SLAIN1: variants seen among roughly 807,000 people sequenced by gnomAD.
The protein encoded by SLAIN1 is SLAIN family member 1.
A neutral mutation model predicts 55.4 loss-of-function variants in SLAIN1; 17 were observed. The ratio of observed to expected loss-of-function variants is 0.31; its 90% confidence interval spans 0.21 to 0.46. SLAIN1 has a LOEUF of 0.46. SLAIN1 is among the 20% of genes least tolerant of loss of function. The pLI is 1.00. For synonymous variants in SLAIN1, 348 were observed against 337.4 expected, an observed-to-expected ratio of 1.03 and a Z score of -0.35; for missense variants, 682 against 785.1, an observed-to-expected ratio of 0.87 and a Z score of 1.57.
At chr13:77,730,854 G>A (rs1225445472) in intron 2 of SLAIN1, among the ~76,000 whole-genome samples, 1 of 152,084 alleles carries the variant, frequency 6.6e-6, no homozygotes, top group Non-Finnish European at 1.5e-5. Context: ...ATCAGTAAAA[G>A]GATACCTGCT....
At chr13:77,731,435 T>C (rs759618487) in intron 2 of SLAIN1, among the ~76,000 whole-genome samples, 5 of 152,196 alleles carry the variant, frequency 3.3e-5, no homozygotes, top group South Asian at 2.1e-4. Flanking sequence ...GGATTTTATC[T>C]TAAAATGGTT....
chr13:77,757,824 C>T (rs1263872080), intron 5 of SLAIN1, among the ~76,000 whole-genome samples: 1 of 151,980 alleles, frequency 6.6e-6, no homozygotes, highest in Admixed American at 6.6e-5. Flanking sequence ...CTTTATCCAC[C>T]CGTTGGTTGA....
intron 5 of SLAIN1, among the ~76,000 whole-genome samples, chr13:77,755,409 A>G (rs896442574): frequency 3.9e-5 from 6 of 152,170 alleles, no homozygotes; most frequent in Non-Finnish European, 1.5e-5. Context: ...ACAATTAGGA[A>G]TTTTTGTTGA....
In SLAIN1 at chr13:77,764,168, T is replaced by C. The variant is rs1875283149; in HGVS notation, c.*948T>C. On this transcript the variant is annotated 3_prime_UTR_variant, in exon 7 of 7. Coordinates refer to ENST00000418532, the MANE Select transcript of SLAIN1 (RefSeq NM_001242868.2). ...TGCTTTCTTATGGCATATAACTTAA[T>C]ATTTGTTACTGTGTACACTGCTGTT... The C allele has an allele frequency of 6.6e-6, 1 of 152,664 alleles. No homozygotes were observed. Among genetic ancestry groups the C allele is most frequent in the Non-Finnish European group, 1.5e-5 (1 of 68,028 alleles). 9.5% of individuals were successfully genotyped at this position (152,664 alleles called of 1,614,324 possible). A position where few individuals can be genotyped will look rare whatever the true frequency, so the allele number is the denominator to read the frequency against.
rs1043303939 is a variant in SLAIN1, at chr13:77,741,130, C to T, written c.767-3153C>T. The stretch of plus-strand genomic sequence containing the variant: ...TGCTTACTTGTGATGTGCTGCCGCC[C>T]GCATCTGTGGGTGAGAACACGCAGT... On this transcript the variant is annotated intron_variant, in intron 2 of 6. Coordinates refer to ENST00000418532, the MANE Select transcript of SLAIN1 (RefSeq NM_001242868.2). The T allele has an allele frequency of 3.0e-5, 30 of 985,050 alleles. No homozygotes were observed. In the Middle Eastern group the frequency reaches 1.6e-3, roughly 51 times the overall value. The allele number at this position is 985,050 out of a possible 1,614,324, so 61.0% of individuals were successfully genotyped here.
intron 2 of SLAIN1, among the ~76,000 whole-genome samples, chr13:77,725,081 C>G (rs1047383670): frequency 6.6e-6 from 1 of 152,030 alleles, no homozygotes; most frequent in African/African-American, 2.4e-5. Flanking sequence ...TTTTTTTGAG[C>G]CCAATGTAAC....
At chr13:77,707,388 C>A (rs892434092) in intron 1 of SLAIN1, among the ~76,000 whole-genome samples, 3 of 151,810 alleles carry the variant, frequency 2.0e-5, no homozygotes, top group Admixed American at 6.6e-5. Flanking sequence ...GTAACATTTT[C>A]TTTTAGATGA....
At position 77,746,609 on chromosome 13, in the gene SLAIN1, C is replaced by A. The variant is rs1873831330; in HGVS notation, c.1012C>A (p.Gln338Lys). 6.2e-7 allele frequency: 1 copy of A among 1,613,620 alleles called. No homozygotes were observed. The highest frequency in any genetic ancestry group is 8.5e-7 in the Non-Finnish European group (1 of 1,179,748). The change falls in exon 4 of 7, where the codon CAA (glutamine) becomes AAA (lysine). Residue 338 changes from glutamine to lysine, a missense_variant. This residue lies in a region of SLAIN1 where 37 missense variants were observed against 72.6 expected (regional missense o/e 0.51). Transcript: ENST00000418532. ...SSGKKGTCSD[Q>K]EYDQYSLEDE... Reference sequence around the variant, plus strand: ...AGGAAAAAAAGGGACATGTAGTGATCAAGAATATGACCAATACAGTCTGGA... The same window carrying A: ...AGGAAAAAAAGGGACATGTAGTGATAAAGAATATGACCAATACAGTCTGGA...
At chr13:77,713,435 G>A (rs1169719933) in intron 1 of SLAIN1, among the ~76,000 whole-genome samples, 1 of 152,130 alleles carries the variant, frequency 6.6e-6, no homozygotes, top group South Asian at 2.1e-4. Context: ...CATCATCACT[G>A]GTCATTAGAG....
chr13:77,713,651 C>T (rs1177951630), intron 1 of SLAIN1, among the ~76,000 whole-genome samples: 1 of 152,118 alleles, frequency 6.6e-6, no homozygotes, highest in Non-Finnish European at 1.5e-5. Flanking sequence ...TATCATTTGA[C>T]CCAGCCATCC....
At chr13:77,751,791 C>T (rs1309300618) in intron 4 of SLAIN1, among the ~76,000 whole-genome samples, 2 of 152,098 alleles carry the variant, frequency 1.3e-5, no homozygotes, top group African/African-American at 4.8e-5. Context: ...AAGTGGGTGA[C>T]GCATGCTGTG....
In SLAIN1 at chr13:77,761,102, T is replaced by C. The variant is rs1824694987; in HGVS notation, c.1689T>C (p.Pro563=). The C allele has an allele frequency of 1.2e-6, 2 of 1,614,020 alleles. No individual in the cohort carries two copies. The highest frequency in any genetic ancestry group is 1.7e-6 in the Non-Finnish European group (2 of 1,179,916). Residue 563 remains proline, a synonymous_variant, in exon 6 of 7, where the codon CCT becomes CCC. Transcript: ENST00000418532. ...TGCCTCGAAGCAAAATTGCACAACC[T>C]GTTAGAAGGTAAGAATGTGTATTTG... ...SNLPRSKIAQ[P]VRSFLQPPKP...
intron 1 of SLAIN1, among the ~76,000 whole-genome samples, chr13:77,710,083 A>G (rs1193707502): frequency 6.6e-6 from 1 of 152,090 alleles, no homozygotes; most frequent in East Asian, 1.9e-4. Flanking sequence ...TGGAAGAACT[A>G]ACAATGGAAA....
At chr13:77,704,314 A>AAATATATGT in intron 1 of SLAIN1, among the ~76,000 whole-genome samples, 1 of 139,492 alleles carries the variant, frequency 7.2e-6, no homozygotes, top group Non-Finnish European at 1.5e-5. Context: ...TATACATAGA[A>AAATATATGT]ACTGTATATA....
chr13:77,743,913 A>C (rs1873628196), intron 2 of SLAIN1, among the ~76,000 whole-genome samples: 1 of 152,030 alleles, frequency 6.6e-6, no homozygotes, highest in South Asian at 2.1e-4. Context: ...AGTATACATG[A>C]ATATATATTC....
intron 1 of SLAIN1, among the ~76,000 whole-genome samples, chr13:77,716,404 T>C (rs182865920): frequency 5.7e-4 from 86 of 152,168 alleles, no homozygotes; most frequent in African/African-American, 1.8e-3. Context: ...ATCATCTACA[T>C]TTCTACAAAA....
intron 5 of SLAIN1, among the ~76,000 whole-genome samples, chr13:77,757,097 T>C (rs1185974831): frequency 6.6e-6 from 1 of 152,140 alleles, no homozygotes; most frequent in Non-Finnish European, 1.5e-5. Context: ...TTTGGAGCAG[T>C]TTTCAGTTTA....
intron 5 of SLAIN1, among the ~76,000 whole-genome samples, chr13:77,758,981 G>T (rs564405902): frequency 9.5e-4 from 144 of 152,108 alleles, no homozygotes; most frequent in African/African-American, 3.4e-3. Context: ...GAATGATGAT[G>T]GTATTTTGAT....
chr13:77,726,675 T>A (rs1261073373), intron 2 of SLAIN1, among the ~76,000 whole-genome samples: 1 of 152,174 alleles, frequency 6.6e-6, no homozygotes. Flanking sequence ...CCACCTGGCC[T>A]CCCTGTGCTG....
Sources: allele counts gnomAD v4.1 joint callset (sites outside exome capture counted in the v4.1 genomes callset), GRCh38; gene constraint gnomAD v4.1.1; regional missense constraint gnomAD v4.1.1; transcripts MANE v1.5; gene names NCBI Gene and HGNC (gene_info 2026-07-23, HGNC 2026-07-21).